Variants in NIPA1 observed in about 807,000 individuals in gnomAD.
NIPA1 encodes the protein NIPA magnesium transporter 1.
NIPA1 carries 13 observed loss-of-function variants against 23.9 expected under a neutral mutation model. The ratio of observed to expected loss-of-function variants is 0.54; its 90% CI spans 0.35 to 0.87. The LOEUF is 0.87. NIPA1 is among the 40% of genes least tolerant of loss of function. The pLI is 0.01. For synonymous variants in NIPA1, 234 were observed against 202.9 expected (o/e 1.15, Z -1.30); for missense variants, 362 against 429.7 (o/e 0.84, Z 1.39).
At chr15:22,820,526 T>C (rs1895515992) in intron 4 of NIPA1, 53 bp downstream of exon 4, 2 of 1,365,798 alleles carry the variant, frequency 1.5e-6, no homozygotes, top group Admixed American at 1.7e-5. Flanking sequence ...GAGTGCCAAC[T>C]TTTTTAACCA....
intron 2 of NIPA1, 111 bp downstream of exon 2, chr15:22,810,907 T>C: frequency 1.2e-6 from 1 of 859,346 alleles, no homozygotes; most frequent in South Asian, 1.3e-5. Flanking sequence ...TGGAAGAGGG[T>C]GTCGCGTGGC....
chr15:22,799,130 A>G (rs1410783204), intron 1 of NIPA1, among the ~76,000 whole-genome samples: 1 of 152,170 alleles, frequency 6.6e-6, no homozygotes, highest in Non-Finnish European at 1.5e-5. Flanking sequence ...ATGCACTTGT[A>G]TGTTTACTGT....
At chr15:22,788,286 G>A (rs1385084716) in intron 1 of NIPA1, among the ~76,000 whole-genome samples, 1 of 151,062 alleles carries the variant, frequency 6.6e-6, no homozygotes, top group Non-Finnish European at 1.5e-5. Context: ...CGGGTCACAA[G>A]GTCAGGAGAT....
intron 2 of NIPA1, 76 bp from the exon 3 acceptor site, chr15:22,812,087 A>T (rs1422155757): frequency 2.8e-6 from 3 of 1,072,136 alleles, no homozygotes; most frequent in Non-Finnish European, 4.3e-6. Context: ...GGCAGAGCCT[A>T]GCGTAATTCA....
In NIPA1 at chr15:22,829,418, C is replaced by T. The variant is rs1002944502; in HGVS notation, c.*5179C>T. 1 of 152,450 alleles carries T rather than the reference C, an allele frequency of 6.6e-6. No homozygotes were observed. The allele number at this position is 152,450 out of a possible 1,614,324, so 9.4% of individuals were successfully genotyped here. ...TTATTTGTCAGAATATAATAATTGC[C>T]CCCCACCTTAGTATTTTTGCACTTT... On this transcript the variant is annotated 3_prime_UTR_variant, in exon 5 of 5. Coordinates refer to ENST00000337435, the MANE Select transcript of NIPA1 (RefSeq NM_144599.5).
chr15:22,815,584 C>T (rs965912666), intron 3 of NIPA1, among the ~76,000 whole-genome samples: 2 of 151,976 alleles, frequency 1.3e-5, no homozygotes, highest in East Asian at 1.9e-4. Flanking sequence ...AACCACTGCT[C>T]CAGCCTGGGT....
Position 22,827,883 on chromosome 15 carries a change from G to A in NIPA1, c.*3644G>A, listed in dbSNP as rs956489804. On this transcript the variant is annotated 3_prime_UTR_variant, in exon 5 of 5. Transcript: ENST00000337435. ...GGCACAGGCTGCTGCCCTTCTGTCT[G>A]GTCGGGGGATTCCTCTTCTTCAAGC... 14 of 152,210 alleles carry A rather than the reference G, an allele frequency of 9.2e-5. 1 individual carries two copies. The highest frequency in any genetic ancestry group is 3.1e-4 in the African/African-American group (13 of 41,410). The allele number at this position is 152,210 out of a possible 1,614,324, so 9.4% of individuals were successfully genotyped here. A position where few individuals can be genotyped will look rare whatever the true frequency, so the allele number is the denominator to read the frequency against.
In NIPA1 at chr15:22,818,029, C is replaced by T. The variant is rs560969566; in HGVS notation, c.318-2284C>T. Among the ~76,000 whole-genome samples the T allele has an allele frequency of 6.7e-4, 102 of 152,084 alleles. 1 individual carries two copies. Among genetic ancestry groups the T allele is most frequent in the African/African-American group, 1.1e-3 (47 of 41,500 alleles). On this transcript the variant is annotated intron_variant, in intron 3 of 4. Transcript: ENST00000337435. ...ACAACAGAAGGAAAATAGATAAATTCGATGTCATCAAAATTAAAAACCTTT... is the reference window on the plus strand; with the variant it reads ...ACAACAGAAGGAAAATAGATAAATTTGATGTCATCAAAATTAAAAACCTTT...
rs530481806 is a variant in NIPA1 at position 22,818,134 on chromosome 15, T to C, written c.318-2179T>C. Among the ~76,000 whole-genome samples, 237 of 152,270 alleles carry C rather than the reference T, an allele frequency of 1.6e-3. 2 individuals carry two copies. The highest frequency in any genetic ancestry group is 4.4e-3 in the South Asian group (21 of 4,822). On this transcript the variant is annotated intron_variant, in intron 3 of 4. Transcript: ENST00000337435. ...AAGTATATATCTGATAAGGGACTTGTAGTTAGAACACATAAAAACTCTTGC... is the reference window on the plus strand; with the variant it reads ...AAGTATATATCTGATAAGGGACTTGCAGTTAGAACACATAAAAACTCTTGC...
At chr15:22,791,756 G>A (rs887957765) in intron 1 of NIPA1, among the ~76,000 whole-genome samples, 9 of 152,032 alleles carry the variant, frequency 5.9e-5, no homozygotes, top group South Asian at 4.1e-4. Flanking sequence ...GTGAGCCACC[G>A]CACCTGGCCC....
intron 1 of NIPA1, among the ~76,000 whole-genome samples, chr15:22,807,799 T>TGTGTGTGTGTGTGTGTGTGTGTGTGTGA (rs140818178): frequency 1.1e-4 from 17 of 151,916 alleles, no homozygotes; most frequent in African/African-American, 4.1e-4. Flanking sequence ...TGTGTGTGTG[T>TGTGTGTGTGTGTGTGTGTGTGTGTGTGA]GTGTGATGGA....
chr15:22,791,977 A>G (rs1894839330), intron 1 of NIPA1, among the ~76,000 whole-genome samples: 1 of 152,028 alleles, frequency 6.6e-6, no homozygotes, highest in Non-Finnish European at 1.5e-5. Context: ...TGGAAGACAT[A>G]GTCCAGGGAG....
chr15:22,804,233 C>T (rs563969026), intron 1 of NIPA1, among the ~76,000 whole-genome samples: 1 of 152,196 alleles, frequency 6.6e-6, no homozygotes, highest in South Asian at 2.1e-4. Flanking sequence ...CCACCTCAGC[C>T]TCCCAAAGTG....
At chr15:22,802,044 A>G (rs1042724553) in intron 1 of NIPA1, among the ~76,000 whole-genome samples, 4 of 152,268 alleles carry the variant, frequency 2.6e-5, no homozygotes, top group Middle Eastern at 3.4e-3. Flanking sequence ...TACAGTGGTT[A>G]GTTGTATTAG....
chr15:22,805,611 A>G (rs895347656), intron 1 of NIPA1, among the ~76,000 whole-genome samples: 2 of 152,148 alleles, frequency 1.3e-5, no homozygotes, highest in Non-Finnish European at 2.9e-5. Context: ...GTTTGAACCC[A>G]GGAGTCAGAG....
At chr15:22,795,092 G>C (rs1894913676) in intron 1 of NIPA1, among the ~76,000 whole-genome samples, 1 of 152,094 alleles carries the variant, frequency 6.6e-6, no homozygotes, top group South Asian at 2.1e-4. Flanking sequence ...GCTGTCTTCA[G>C]GTGCCTCGGA....
At chr15:22,792,929 C>G (rs561344870) in intron 1 of NIPA1, among the ~76,000 whole-genome samples, 1 of 151,780 alleles carries the variant, frequency 6.6e-6, no homozygotes, top group Non-Finnish European at 1.5e-5. Flanking sequence ...GCTCCAGCCT[C>G]GGCAACAAGA....
At chr15:22,789,762 G>A (rs1455027698) in intron 1 of NIPA1, among the ~76,000 whole-genome samples, 1 of 152,102 alleles carries the variant, frequency 6.6e-6, no homozygotes, top group Non-Finnish European at 1.5e-5. Context: ...GGGGCACAAA[G>A]CAGAAGGAGA....
rs113933707 is a variant in NIPA1, at chr15:22,823,679, C to T, written c.479-49C>T. 4.9e-5 allele frequency: 76 copies of T among 1,556,654 alleles called. No homozygotes were observed. In the African/African-American group the frequency reaches 8.1e-4, roughly 17 times the overall value. On this transcript the variant is annotated intron_variant, in intron 4 of 4. Coordinates refer to ENST00000337435, the MANE Select transcript of NIPA1 (RefSeq NM_144599.5). ...CTGCCCCAGTCCACCTCCTGGGTTGCGGCTGCTAGGCGGTGGCTCCGGGTG... is the reference window on the plus strand; with the variant it reads ...CTGCCCCAGTCCACCTCCTGGGTTGTGGCTGCTAGGCGGTGGCTCCGGGTG...
Sources: gnomAD v4.1 joint callset for allele counts (sites outside exome capture counted in the v4.1 genomes callset) on GRCh38, gnomAD v4.1.1 for gene constraint, MANE v1.5 for transcripts, NCBI Gene and HGNC (gene_info 2026-07-23, HGNC 2026-07-21) for gene names.